MAP7D1: variants seen among roughly 807,000 people sequenced by gnomAD.
MAP7D1 encodes MAP7 domain-containing protein 1.
A neutral mutation model predicts 97.5 loss-of-function variants in MAP7D1; 30 were observed. That is an observed-to-expected ratio of 0.31 (90% CI 0.23 to 0.42). The LOEUF is 0.42. MAP7D1 is among the 10% of genes least tolerant of loss of function. The pLI, the probability that MAP7D1 is intolerant of heterozygous loss-of-function variation, is 1.00. For synonymous variants in MAP7D1, 536 were observed against 477.1 expected (o/e 1.12, Z -1.61); for missense variants, 1,184 against 1,179.5 (o/e 1.00, Z -0.06).
chr1:36,165,539 T>C (rs1034492489), intron 1 of MAP7D1, among the ~76,000 whole-genome samples: 5 of 151,278 alleles, frequency 3.3e-5, no homozygotes, highest in African/African-American at 1.2e-4. Flanking sequence ...CATAGTTCAC[T>C]GTAACCTCAG....
intron 1 of MAP7D1, among the ~76,000 whole-genome samples, chr1:36,160,481 C>T (rs944696097): frequency 6.6e-6 from 1 of 152,232 alleles, no homozygotes; most frequent in Non-Finnish European, 1.5e-5. Context: ...CTGTGCCAGG[C>T]ACAATGCTCA....
At position 36,178,077 on chromosome 1, in the gene MAP7D1, G is replaced by T. The variant is rs1185590614; in HGVS notation, c.1584G>T (p.Gln528His). 1.2e-6 allele frequency: 2 copies of T among 1,609,394 alleles called. No homozygotes were observed. The highest frequency in any genetic ancestry group is 2.7e-5 in the African/African-American group (2 of 74,836). Residue 528 changes from glutamine to histidine, a missense_variant, in exon 9 of 17, where the codon CAG becomes CAT. Coordinates refer to ENST00000474796, the MANE Select transcript of MAP7D1 (RefSeq NM_001388490.1). ...CCGCAGGGCCCGAGGACAAGAGCCA[G>T]AGCAAGCGCAGGGCCAGTAACGAGA... is the stretch of plus-strand genomic sequence containing the variant. ...PSAAGPEDKS[Q>H]SKRRASNEKE...
chr1:36,176,192 C>T lies in MAP7D1; in HGVS notation c.851-7C>T, dbSNP rs1243632170. The T allele has an allele frequency of 6.2e-7, 1 of 1,605,394 alleles. No individual in the cohort carries two copies. The highest frequency in any genetic ancestry group is 1.3e-5 in the African/African-American group (1 of 74,618). ...GTGACCGGCTTCGCCTGGCCTTCTA[C>T]CCCCAGATCGCAGCCTGCAGCTGAG... is the stretch of plus-strand genomic sequence containing the variant. On this transcript the variant is annotated splice_region_variant and splice_polypyrimidine_tract_variant and intron_variant, in intron 6 of 16. Coordinates refer to ENST00000474796, the MANE Select transcript of MAP7D1 (RefSeq NM_001388490.1). The surrounding 1 kb of genome is among the most constrained non-coding windows in gnomAD (Gnocchi z 6.1).
rs1479403397 is a variant in MAP7D1 at position 36,179,700 on chromosome 1, G to T, written c.2262G>T (p.Gly754=). The change falls in exon 15 of 17, where the codon GGG becomes GGT. Residue 754 remains glycine, a synonymous_variant. Transcript: ENST00000474796. ...AAGCTGTGGAGGCTCGGTCCCCAGG[G>T]CTGCAGAAGGAGGCTGTGCAGAAAG... ...PVKAVEARSP[G]LQKEAVQKEE... is the part of the protein sequence containing the mutation. 1 of 1,519,348 alleles carries T rather than the reference G, an allele frequency of 6.6e-7. No individual in the cohort carries two copies. 94.1% of individuals were successfully genotyped at this position (1,519,348 alleles called of 1,614,324 possible). A position where few individuals can be genotyped will look rare whatever the true frequency, so the allele number is the denominator to read the frequency against.
chr1:36,179,294 G>A lies in MAP7D1; in HGVS notation c.2163G>A (p.Lys721=), dbSNP rs1432066864. Residue 721 remains lysine (K), a synonymous_variant, in exon 13 of 17, where the codon AAG becomes AAA. Coordinates refer to ENST00000474796, the MANE Select transcript of MAP7D1 (RefSeq NM_001388490.1). ...RLEEIMKRTR[K]SEVSETKKQD... ...AGGAGATCATGAAGAGGACTCGGAAGTCAGAAGTTTCTGAAACCAAGGTCA... is the reference window on the plus strand; with the variant it reads ...AGGAGATCATGAAGAGGACTCGGAAATCAGAAGTTTCTGAAACCAAGGTCA... 2 of 1,614,126 alleles carry A rather than the reference G, an allele frequency of 1.2e-6. No homozygotes were observed. The highest frequency in any genetic ancestry group is 8.5e-7 in the Non-Finnish European group (1 of 1,180,002).
chr1:36,171,940 A>G (rs1481168653), intron 3 of MAP7D1: 1 of 211,648 alleles, frequency 4.7e-6, no homozygotes, highest in Non-Finnish European at 9.7e-6. Context: ...GTCTCAAAAA[A>G]AAAAAAAAAA....
In MAP7D1 at chr1:36,156,271, A is replaced by G. The variant is rs1644326311; in HGVS notation, c.-147A>G. On this transcript the variant is annotated 5_prime_UTR_variant, in exon 1 of 17. Coordinates refer to ENST00000474796, the MANE Select transcript of MAP7D1 (RefSeq NM_001388490.1). Reference sequence around the variant, plus strand: ...CGAGACTCGCGGGCCACCTGCCTCGACCTTCCCCGGAGCGCCCCCGCCTCC... The same window carrying G: ...CGAGACTCGCGGGCCACCTGCCTCGGCCTTCCCCGGAGCGCCCCCGCCTCC... 3 of 556,426 alleles carry G rather than the reference A, an allele frequency of 5.4e-6. No individual in the cohort carries two copies. Among genetic ancestry groups the G allele is most frequent in the Non-Finnish European group, 5.6e-6 (2 of 355,296 alleles). The allele number at this position is 556,426 out of a possible 1,614,324, so 34.5% of individuals were successfully genotyped here.
chr1:36,164,168 G>T (rs967941159), intron 1 of MAP7D1, among the ~76,000 whole-genome samples: 2 of 152,074 alleles, frequency 1.3e-5, no homozygotes, highest in African/African-American at 2.4e-5. Context: ...TATGCTTTAG[G>T]CTAGGGCAGC....
intron 1 of MAP7D1, among the ~76,000 whole-genome samples, chr1:36,165,417 C>G (rs1341921165): frequency 6.6e-6 from 1 of 151,624 alleles, no homozygotes; most frequent in African/African-American, 2.4e-5. Context: ...GCCACCTTGC[C>G]TGGCCTTTAT....
chr1:36,169,565 A>T (rs943112298), intron 1 of MAP7D1, among the ~76,000 whole-genome samples: 2 of 152,314 alleles, frequency 1.3e-5, no homozygotes, highest in African/African-American at 2.4e-5. Flanking sequence ...CAAAAAAAAA[A>T]AAAAAGAAAA....
rs1020349054 is a variant in MAP7D1 at position 36,176,083 on chromosome 1, TC to T, written c.851-113del. On this transcript the variant is annotated intron_variant, in intron 6 of 16. Transcript: ENST00000474796. This position sits in a 1 kb window ranked among gnomAD's most constrained non-coding sequence, Gnocchi z 6.1. ...CCCGGTGTGATTGTGGGGAGAGGAC[TC>T]CCGGGTGAGAAGCCTTGGCCTTGGC... is the stretch of plus-strand genomic sequence containing the variant. 49 of 1,165,628 alleles carry T rather than the reference TC, an allele frequency of 4.2e-5. No homozygotes were observed. In the African/African-American group the frequency reaches 6.2e-4, roughly 15 times the overall value. The allele number at this position is 1,165,628 out of a possible 1,614,324, so 72.2% of individuals were successfully genotyped here.
At chr1:36,179,143 T>A in intron 12 of MAP7D1, 118 bp downstream of exon 12, 1 of 1,484,466 alleles carries the variant, frequency 6.7e-7, no homozygotes. Flanking sequence ...CCAGTTCCTG[T>A]CCTGGAGAGG....
intron 5 of MAP7D1, 74 bp downstream of exon 5, chr1:36,173,552 CT>C: frequency 8.7e-7 from 1 of 1,142,998 alleles, no homozygotes; most frequent in Non-Finnish European, 1.3e-6. Context: ...AACAACTTCC[CT>C]ACAAAAAGCT....
In MAP7D1 at chr1:36,171,068, C is replaced by A; in HGVS notation, c.144C>A (p.Pro48=). 6.2e-7 allele frequency: 1 copy of A among 1,606,768 alleles called. No individual in the cohort carries two copies. The highest frequency in any genetic ancestry group is 8.5e-7 in the Non-Finnish European group (1 of 1,173,710). The stretch of plus-strand genomic sequence containing the variant: ...TGTCAGCCCTGGTCCCCGACACTCC[C>A]CCGGACACCCCTCCTGCCATGAAGA... ...PPMSALVPDT[P]PDTPPAMKNA... Residue 48 remains proline, a synonymous_variant, in exon 2 of 17, where the codon CCC becomes CCA. Transcript: ENST00000474796.
At chr1:36,168,053 T>G (rs2124219344) in intron 1 of MAP7D1, among the ~76,000 whole-genome samples, 1 of 152,130 alleles carries the variant, frequency 6.6e-6, no homozygotes, top group East Asian at 1.9e-4. Context: ...TCCCAGCACT[T>G]TGGGAGGCTG....
intron 12 of MAP7D1, 102 bp from the exon 13 acceptor site, chr1:36,179,160 A>G (rs1298039134): frequency 1.5e-5 from 22 of 1,502,242 alleles, no homozygotes; most frequent in South Asian, 4.7e-5. Flanking sequence ...GAGGGCTGCT[A>G]TGAGCTGGGA....
In MAP7D1 at chr1:36,176,711, G is replaced by T. The variant is rs1644630319; in HGVS notation, c.1248G>T (p.Glu416Asp). 5 of 1,604,388 alleles carry T rather than the reference G, an allele frequency of 3.1e-6. No individual in the cohort carries two copies. Among genetic ancestry groups the T allele is most frequent in the Non-Finnish European group, 4.3e-6 (5 of 1,176,136 alleles). Reference sequence around the variant, plus strand: ...TTCCCTGCCAGGTGCAGAAAAAGGAGAAGAAGGACAAGGAGCGGGAAAACG... The same window carrying T: ...TTCCCTGCCAGGTGCAGAAAAAGGATAAGAAGGACAAGGAGCGGGAAAACG... ...RPEASPVQKKEKKDKERENEK... is the reference protein window; with the variant it reads ...RPEASPVQKKDKKDKERENEK... Residue 416 changes from glutamate to aspartate, a missense_variant, in exon 8 of 17, where the codon GAG (glutamate) becomes GAT (aspartate). Physicochemically the swap from Glu to Asp is conservative, Grantham distance 45. Coordinates refer to ENST00000474796, the MANE Select transcript of MAP7D1 (RefSeq NM_001388490.1). The surrounding 1 kb of genome is among the most constrained non-coding windows in gnomAD (Gnocchi z 6.1).
At position 36,176,828 on chromosome 1, in the gene MAP7D1, C is replaced by G. The variant is rs758419164; in HGVS notation, c.1365C>G (p.Thr455=). 3 of 1,599,376 alleles carry G rather than the reference C, an allele frequency of 1.9e-6. No homozygotes were observed. The Admixed American group carries it at 5.2e-5, about 28-fold the overall frequency. Reference sequence around the variant, plus strand: ...CACGTGCCCGCCTCTCTGCCAGCACCGCCTCTGAGCTCAGGTGGGCGCGGG... The same window carrying G: ...CACGTGCCCGCCTCTCTGCCAGCACGGCCTCTGAGCTCAGGTGGGCGCGGG... The part of the protein sequence containing the change: ...ASPRARLSAS[T]ASELSPKSKA... The change falls in exon 8 of 17, where the codon ACC becomes ACG. Residue 455 remains threonine, a synonymous_variant. Coordinates refer to ENST00000474796, the MANE Select transcript of MAP7D1 (RefSeq NM_001388490.1). This position sits in a 1 kb window ranked among gnomAD's most constrained non-coding sequence, Gnocchi z 6.1.
In MAP7D1 at chr1:36,178,184, C is replaced by A. The variant is rs1410096906; in HGVS notation, c.1691C>A (p.Pro564His). Residue 564 changes from proline to histidine, a missense_variant, in exon 9 of 17, where the codon CCC (proline) becomes CAC (histidine). Physicochemically the swap from Pro to His is moderately conservative, Grantham distance 77. Transcript: ENST00000474796. The part of the protein sequence containing the change: ...TPAPPQKEQP[P>H]AETPTDAAVL... ...GCCCCGCCCCAGAAGGAGCAGCCCC[C>A]CGCGGAGACCCCTACAGGTAGGAAT... 6.4e-7 allele frequency: 1 copy of A among 1,571,500 alleles called. No homozygotes were observed. The highest frequency in any genetic ancestry group is 2.3e-5 in the East Asian group (1 of 43,328).
Sources: allele counts gnomAD v4.1 joint callset (sites outside exome capture counted in the v4.1 genomes callset), GRCh38; gene constraint gnomAD v4.1.1; non-coding constraint Gnocchi (gnomAD v3.1); transcripts MANE v1.5; gene names NCBI Gene and HGNC (gene_info 2026-07-23, HGNC 2026-07-21).